The following GALNT7 variants were observed in gnomAD, a reference collection of about 807,000 sequenced individuals.
GALNT7 encodes N-acetylgalactosaminyltransferase 7.
A neutral mutation model predicts 82.1 loss-of-function variants in GALNT7; 60 were observed. The ratio of observed to expected loss-of-function variants is 0.73; its 90% CI spans 0.59 to 0.91. The LOEUF (loss-of-function observed/expected upper bound fraction) is 0.91. Ranked by LOEUF, GALNT7 falls within the 40% of genes least tolerant of loss-of-function variation. The pLI is 0.00. For synonymous variants in GALNT7, 243 were observed against 275.1 expected, an observed-to-expected ratio of 0.88 and a Z score of 1.15; for missense variants, 660 against 804.2, an observed-to-expected ratio of 0.82 and a Z score of 2.17.
intron 1 of GALNT7, among the ~76,000 whole-genome samples, chr4:173,212,468 C>T (rs1033569567): frequency 2.6e-5 from 4 of 152,120 alleles, no homozygotes; most frequent in African/African-American, 7.2e-5. Context: ...TTATATGACA[C>T]TCACTTGAAA....
At chr4:173,238,457 C>A (rs1290329746) in intron 1 of GALNT7, among the ~76,000 whole-genome samples, 3 of 152,130 alleles carry the variant, frequency 2.0e-5, no homozygotes, top group Non-Finnish European at 4.4e-5. Context: ...GTATAATTAT[C>A]AGCCTTTTAG....
rs766916179 is a variant in GALNT7, at chr4:173,168,905, C to T, written c.70C>T (p.Leu24Phe). Residue 24 changes from leucine (L) to phenylalanine (F), a missense_variant, in exon 1 of 12, where the codon CTC becomes TTC. By Grantham distance (22) the Leu-to-Phe change is conservative. Around this residue, in one of 2 missense-constraint regions of GALNT7, gnomAD observed 133 missense variants for 120.7 expected, o/e 1.10. Transcript: ENST00000265000. The stretch of plus-strand genomic sequence containing the variant: ...GGGAAGCTTCCTGGGGCTAGTGGTC[C>T]TCTGGTCTTCCCTGACCCCGCGGCC... Reference protein sequence around the residue: ...VVGSFLGLVVLWSSLTPRPDD... With the variant: ...VVGSFLGLVVFWSSLTPRPDD... 1.2e-6 allele frequency: 2 copies of T among 1,613,636 alleles called. No homozygotes were observed. The highest frequency in any genetic ancestry group is 1.7e-5 in the Admixed American group (1 of 59,994).
intron 2 of GALNT7, among the ~76,000 whole-genome samples, chr4:173,264,512 T>C (rs1735406648): frequency 1.3e-5 from 2 of 152,136 alleles, no homozygotes; most frequent in Admixed American, 1.3e-4. Context: ...TCAATTTTCT[T>C]ATCTGAAAAA....
At chr4:173,286,541 G>A (rs1403804874) in intron 2 of GALNT7, among the ~76,000 whole-genome samples, 2 of 152,248 alleles carry the variant, frequency 1.3e-5, no homozygotes, top group African/African-American at 2.4e-5. Flanking sequence ...CCCACTGGCT[G>A]TTGAGCTGGA....
intron 5 of GALNT7, among the ~76,000 whole-genome samples, chr4:173,296,289 T>TA (rs1561194114): frequency 6.6e-6 from 1 of 152,174 alleles, no homozygotes; most frequent in African/African-American, 2.4e-5. Flanking sequence ...TATAGAAACT[T>TA]TAAAGTTTAG....
intron 1 of GALNT7, among the ~76,000 whole-genome samples, chr4:173,238,156 T>C (rs1295366300): frequency 6.6e-6 from 1 of 152,226 alleles, no homozygotes; most frequent in Non-Finnish European, 1.5e-5. Flanking sequence ...TGTTTAAAAT[T>C]TCTCACAGAT....
At chr4:173,189,041 AC>A (rs1732541583) in intron 1 of GALNT7, among the ~76,000 whole-genome samples, 1 of 151,654 alleles carries the variant, frequency 6.6e-6, no homozygotes, top group African/African-American at 2.4e-5. Flanking sequence ...CTGGTCTTGA[AC>A]CCCGGTTGAG....
At chr4:173,285,096 A>G (rs1411219888) in intron 2 of GALNT7, among the ~76,000 whole-genome samples, 1 of 152,210 alleles carries the variant, frequency 6.6e-6, no homozygotes, top group Non-Finnish European at 1.5e-5. Flanking sequence ...TCTTTTCACA[A>G]TTTGCTTAAA....
At chr4:173,265,445 TC>T (rs1402971894) in intron 2 of GALNT7, among the ~76,000 whole-genome samples, 1 of 152,116 alleles carries the variant, frequency 6.6e-6, no homozygotes, top group Non-Finnish European at 1.5e-5. Context: ...AAGCTTATCA[TC>T]CCGTATATTT....
intron 2 of GALNT7, among the ~76,000 whole-genome samples, chr4:173,285,311 G>A (rs1225687451): frequency 2.0e-5 from 3 of 152,210 alleles, no homozygotes; most frequent in African/African-American, 7.2e-5. Context: ...AGCCTGGTAA[G>A]TTGTTTTAAT....
chr4:173,317,286 C>G lies in GALNT7; in HGVS notation c.1609-348C>G, dbSNP rs571823890. 3.6e-5 allele frequency: 8 copies of G among 221,812 alleles called. No homozygotes were observed. The South Asian group carries it at 4.6e-4, about 13-fold the overall frequency. 13.7% of individuals were successfully genotyped at this position (221,812 alleles called of 1,614,324 possible). ...CTGTTCTAGATATCTAGGGCCAGGC[C>G]AGTGTTTATTACCACTGTGGTTAGG... On this transcript the variant is annotated intron_variant, in intron 9 of 11. Coordinates refer to ENST00000265000, the MANE Select transcript of GALNT7 (RefSeq NM_017423.3).
In GALNT7 at chr4:173,302,734, G is replaced by T. The variant is rs1025066800; in HGVS notation, c.1266+570G>T. ...GAAAGAGAGAGAGAACTATATCAGA[G>T]TGTGAGTTAAACAGGTATTCATTAC... On this transcript the variant is annotated intron_variant, in intron 7 of 11. Transcript: ENST00000265000. This position sits in a 1 kb window ranked among gnomAD's most constrained non-coding sequence, Gnocchi z 4.2. Among the ~76,000 whole-genome samples, 1 of 152,222 alleles carries T rather than the reference G, an allele frequency of 6.6e-6. No homozygotes were observed. The highest frequency in any genetic ancestry group is 1.5e-5 in the Non-Finnish European group (1 of 68,042).
intron 2 of GALNT7, among the ~76,000 whole-genome samples, chr4:173,251,855 C>G (rs539169253): frequency 2.6e-5 from 4 of 152,304 alleles, no homozygotes; most frequent in African/African-American, 7.2e-5. Context: ...AAATCCTATA[C>G]TAGTGATAAA....
intron 3 of GALNT7, among the ~76,000 whole-genome samples, chr4:173,293,707 A>C (rs910332359): frequency 6.6e-6 from 1 of 152,180 alleles, no homozygotes; most frequent in African/African-American, 2.4e-5. Context: ...AAGTAAAAGC[A>C]AACCCACACT....
chr4:173,240,934 G>A (rs1182213215), intron 1 of GALNT7, among the ~76,000 whole-genome samples: 1 of 152,124 alleles, frequency 6.6e-6, no homozygotes, highest in Non-Finnish European at 1.5e-5. Flanking sequence ...TGCATGCTTT[G>A]CTTCTGTTTA....
intron 2 of GALNT7, among the ~76,000 whole-genome samples, chr4:173,276,368 T>C (rs917136306): frequency 2.6e-5 from 4 of 152,156 alleles, no homozygotes; most frequent in African/African-American, 9.7e-5. Flanking sequence ...TTCACAGGGA[T>C]TGATTGATAA....
At chr4:173,185,471 G>A (rs1035835040) in intron 1 of GALNT7, among the ~76,000 whole-genome samples, 1 of 151,448 alleles carries the variant, frequency 6.6e-6, no homozygotes, top group African/African-American at 2.4e-5. Flanking sequence ...TATAATTTAG[G>A]GTTTTAATTA....
intron 2 of GALNT7, among the ~76,000 whole-genome samples, chr4:173,280,541 C>A (rs1736075279): frequency 6.6e-6 from 1 of 152,162 alleles, no homozygotes; most frequent in Non-Finnish European, 1.5e-5. Context: ...CTAAGAATAA[C>A]TCTAATCATT....
At chr4:173,202,525 C>G (rs1327998410) in intron 1 of GALNT7, among the ~76,000 whole-genome samples, 1 of 152,166 alleles carries the variant, frequency 6.6e-6, no homozygotes, top group African/African-American at 2.4e-5. Context: ...TAACCCTCTT[C>G]ACTCTTTTCT....
Sources: gnomAD v4.1 joint callset for allele counts (sites outside exome capture counted in the v4.1 genomes callset) on GRCh38, gnomAD v4.1.1 for gene constraint, gnomAD v4.1.1 regional missense constraint, Gnocchi (gnomAD v3.1) non-coding constraint, MANE v1.5 for transcripts, NCBI Gene and HGNC (gene_info 2026-07-23, HGNC 2026-07-21) for gene names.